Variants in PUDP observed in about 807,000 individuals in gnomAD.
The protein encoded by PUDP is pseudouridine-5'-phosphatase.
PUDP carries 8 observed loss-of-function variants against 9.4 expected under a neutral mutation model. The ratio of observed to expected loss-of-function variants is 0.85; its 90% CI spans 0.50 to 1.53. PUDP has a LOEUF of 1.53. Ranked by LOEUF, PUDP falls within the 40% of genes most tolerant of loss-of-function variation. The pLI, the probability that PUDP is intolerant of heterozygous loss-of-function variation, is 0.00. For synonymous variants in PUDP, 99 were observed against 80.7 expected (o/e 1.23, Z -1.22); for missense variants, 188 against 189.7 (o/e 0.99, Z 0.05).
At chrX:6,793,219 T>C (rs1925780833) in intron 3 of PUDP, among the ~76,000 whole-genome samples, 1 of 112,051 alleles carries the variant, frequency 8.9e-6, no homozygotes, top group South Asian at 3.7e-4. Context: ...TCATTGAAAG[T>C]AGTGACAAAA....
At chrX:6,713,011 C>T (rs190402013) in intron 1 of PUDP, among the ~76,000 whole-genome samples, 117 of 111,956 alleles carry the variant, frequency 1.0e-3, no homozygotes, top group African/African-American at 3.8e-3. Flanking sequence ...CGTGCCACTG[C>T]ACTCCAGCTT....
Position 7,105,748 on chromosome X carries a change from C to A in PUDP, c.152G>T (p.Gly51Val), listed in dbSNP as rs1300618614. The A allele has an allele frequency of 1.4e-5, 17 of 1,206,135 alleles. No individual in the cohort carries two copies. Among genetic ancestry groups the A allele is most frequent in the Middle Eastern group, 2.3e-4 (1 of 4,333 alleles). ...YSWDVKSLVM[G>V]KKALEAAQII... ...CTGTGCCGCCTCTAATGCCTTCTTACCCATAACCAGGGACTTTACATCCCA... is the reference window on the plus strand; with the variant it reads ...CTGTGCCGCCTCTAATGCCTTCTTAACCATAACCAGGGACTTTACATCCCA... The change falls in exon 2 of 4, where the codon GGT becomes GTT. Residue 51 changes from glycine to valine, a missense_variant. Coordinates refer to ENST00000381077, the MANE Select transcript of PUDP (RefSeq NM_012080.5).
At chrX:7,054,374 C>T (rs1019476352) in intron 3 of PUDP, among the ~76,000 whole-genome samples, 1 of 107,162 alleles carries the variant, frequency 9.3e-6, no homozygotes, top group African/African-American at 3.4e-5. Flanking sequence ...CGTGCCACTG[C>T]ATTCCAGACT....
intron 1 of PUDP, among the ~76,000 whole-genome samples, chrX:7,038,423 A>T (rs185290840): frequency 1.8e-5 from 2 of 112,470 alleles, no homozygotes; most frequent in Non-Finnish European, 3.8e-5. Flanking sequence ...CCAACAGTGA[A>T]CACATAGGGG....
intron 3 of PUDP, among the ~76,000 whole-genome samples, chrX:6,790,044 C>A (rs1488374081): frequency 1.8e-5 from 2 of 108,921 alleles, no homozygotes; most frequent in Non-Finnish European, 1.9e-5. Flanking sequence ...TTGATAGATA[C>A]AAGATAGATA....
At chrX:6,813,114 A>AAG (rs1926170660) in intron 3 of PUDP, among the ~76,000 whole-genome samples, 1 of 109,581 alleles carries the variant, frequency 9.1e-6, no homozygotes, top group Non-Finnish European at 1.9e-5. Flanking sequence ...AAGAGAGAGA[A>AAG]AGAGAGAGAA....
intron 3 of PUDP, among the ~76,000 whole-genome samples, chrX:6,750,682 C>A (rs756616497): frequency 8.1e-5 from 9 of 111,261 alleles, no homozygotes. Flanking sequence ...AGCTTCATTC[C>A]AACTATAAGA....
intron 1 of PUDP, among the ~76,000 whole-genome samples, chrX:7,040,793 G>A (rs1205624324): frequency 9.0e-6 from 1 of 110,763 alleles, no homozygotes; most frequent in Non-Finnish European, 1.9e-5. Context: ...ACAGACATGA[G>A]TGCTCGGGAC....
At chrX:6,904,287 T>C (rs1234547643) in intron 3 of PUDP, among the ~76,000 whole-genome samples, 1 of 110,485 alleles carries the variant, frequency 9.1e-6, no homozygotes, top group Admixed American at 9.7e-5. Context: ...GTAGAACAGC[T>C]GTTCTCAACA....
At chrX:6,737,408 G>T (rs776763753) in intron 3 of PUDP, among the ~76,000 whole-genome samples, 43 of 111,747 alleles carry the variant, frequency 3.8e-4, no homozygotes, top group African/African-American at 1.3e-3. Flanking sequence ...AGATAAAGTG[G>T]TGAGAGAAGA....
chrX:6,809,891 C>A (rs940227410), intron 3 of PUDP, among the ~76,000 whole-genome samples: 1 of 110,405 alleles, frequency 9.1e-6, no homozygotes, highest in Non-Finnish European at 1.9e-5. Context: ...AGCAACATAG[C>A]GAGACCCAGT....
chrX:6,884,956 A>C (rs1927401340), intron 3 of PUDP, among the ~76,000 whole-genome samples: 1 of 111,821 alleles, frequency 8.9e-6, no homozygotes, highest in African/African-American at 3.3e-5. Flanking sequence ...GTGAGCACAA[A>C]ACCAAAAATC....
intron 3 of PUDP, among the ~76,000 whole-genome samples, chrX:7,052,289 G>A (rs766209785): frequency 1.4e-4 from 15 of 110,781 alleles, no homozygotes; most frequent in Non-Finnish European, 7.6e-5. Flanking sequence ...TGCCCGCCTC[G>A]GCCTCCCAAA....
chrX:6,887,268 A>G (rs1010200845), intron 3 of PUDP, among the ~76,000 whole-genome samples: 4 of 107,921 alleles, frequency 3.7e-5, no homozygotes, highest in African/African-American at 1.3e-4. Flanking sequence ...TATATTATTT[A>G]TATGTACATT....
intron 3 of PUDP, among the ~76,000 whole-genome samples, chrX:6,785,360 A>T (rs1053159534): frequency 8.9e-6 from 1 of 112,468 alleles, no homozygotes; most frequent in East Asian, 2.8e-4. Flanking sequence ...CCATACAGGT[A>T]AGAAAATCCA....
At chrX:6,716,639 A>AT (rs11427076) in intron 1 of PUDP, among the ~76,000 whole-genome samples, 39,432 of 103,783 alleles carry the variant, frequency 0.38, 5,915 homozygotes, top group Non-Finnish European at 0.42. Flanking sequence ...GTATGTATGT[A>AT]TTTTTTTTTT....
chrX:7,019,904 A>G (rs760152195), intron 1 of PUDP, among the ~76,000 whole-genome samples: 12 of 111,868 alleles, frequency 1.1e-4, no homozygotes, highest in African/African-American at 3.9e-4. Context: ...AAGGATAATG[A>G]ATTCAGATGT....
intron 2 of PUDP, chrX:7,085,148 A>T (rs1364684767): frequency 8.9e-6 from 1 of 112,436 alleles, no homozygotes; most frequent in Non-Finnish European, 1.9e-5. Flanking sequence ...TGATGGAGTA[A>T]TGCAGGGTTT....
intron 1 of PUDP, among the ~76,000 whole-genome samples, chrX:7,011,736 C>T (rs751189876): frequency 8.9e-6 from 1 of 112,269 alleles, no homozygotes; most frequent in African/African-American, 3.2e-5. Context: ...TGGCTTTCCT[C>T]GTCAGAGCAT....
Sources: gnomAD v4.1 joint callset for allele counts (sites outside exome capture counted in the v4.1 genomes callset) on GRCh38, gnomAD v4.1.1 for gene constraint, MANE v1.5 for transcripts, NCBI Gene and HGNC (gene_info 2026-07-23, HGNC 2026-07-21) for gene names.